Variants in GRM8 observed in about 807,000 individuals in gnomAD.
GRM8 encodes glutamate metabotropic receptor 8, also known as metabotropic glutamate receptor 8.
GRM8 carries 47 observed loss-of-function variants against 87.2 expected under a neutral mutation model. The observed-to-expected ratio is 0.54, with a 90% CI of 0.43 to 0.69. The LOEUF is 0.69. GRM8 is among the 30% of genes least tolerant of loss of function. The probability of loss-of-function intolerance (pLI) is 0.00; values close to 1 mark genes in which losing one functional copy is unlikely to be tolerated. For synonymous variants in GRM8, 396 were observed against 404.5 expected (o/e 0.98, Z 0.25); for missense variants, 1,019 against 1,139.2 (o/e 0.89, Z 1.52).
intron 6 of GRM8, among the ~76,000 whole-genome samples, chr7:126,880,288 GA>G (rs1799906473): frequency 6.6e-6 from 1 of 152,206 alleles, no homozygotes. Flanking sequence ...CTTCAGCAAT[GA>G]TTTCGCTTTT....
chr7:126,677,453 AGAGCCCATCAACT>A (rs1807093804), intron 7 of GRM8, among the ~76,000 whole-genome samples: 1 of 152,160 alleles, frequency 6.6e-6, no homozygotes, highest in Admixed American at 6.5e-5. Flanking sequence ...ACTCAACCTA[AGAGCCCATCAACT>A]GATGAGTGTA....
At chr7:126,971,671 T>C (rs1431498870) in intron 3 of GRM8, among the ~76,000 whole-genome samples, 2 of 152,146 alleles carry the variant, frequency 1.3e-5, no homozygotes, top group Admixed American at 6.5e-5. Flanking sequence ...AGAACTAATA[T>C]CCATTTATAA....
At chr7:127,076,760 G>C (rs1163671707) in intron 3 of GRM8, among the ~76,000 whole-genome samples, 1 of 152,128 alleles carries the variant, frequency 6.6e-6, no homozygotes, top group African/African-American at 2.4e-5. Context: ...GCATTCATTG[G>C]GCTGGTCTGG....
At chr7:126,747,608 T>C (rs1815845504) in intron 7 of GRM8, among the ~76,000 whole-genome samples, 1 of 152,070 alleles carries the variant, frequency 6.6e-6, no homozygotes, top group African/African-American at 2.4e-5. Context: ...ATTCTGATGC[T>C]AACATATTAA....
intron 6 of GRM8, chr7:126,869,828 G>A (rs933936887): frequency 1.3e-5 from 2 of 149,402 alleles, no homozygotes; most frequent in Non-Finnish European, 3.0e-5. Context: ...AATGGTCAAT[G>A]AGCATACGCT....
intron 3 of GRM8, among the ~76,000 whole-genome samples, chr7:126,993,418 G>A (rs1433067177): frequency 6.6e-6 from 1 of 152,042 alleles, no homozygotes; most frequent in African/African-American, 2.4e-5. Flanking sequence ...GCTGAGGGTG[G>A]AGCAAGATGG....
chr7:126,533,874 T>C lies in GRM8; in HGVS notation c.1508A>G (p.Gln503Arg). 1 of 1,611,738 alleles carries C rather than the reference T, an allele frequency of 6.2e-7. No homozygotes were observed. Among genetic ancestry groups the C allele is most frequent in the Non-Finnish European group, 8.5e-7 (1 of 1,178,330 alleles). ...NQLHLKVEDM[Q>R]WAHREHTHPA... ...GTGAGTATGTTCTCTATGAGCCCAC[T>C]GCATGTCTTCCACCTGTGGGTATAA... The change falls in exon 9 of 11, where the codon CAG (glutamine) becomes CGG (arginine). Residue 503 changes from glutamine to arginine, a missense_variant. Coordinates refer to ENST00000339582, the MANE Select transcript of GRM8 (RefSeq NM_000845.3).
chr7:126,456,306 CT>C (rs1401700515), intron 9 of GRM8, among the ~76,000 whole-genome samples: 15 of 151,326 alleles, frequency 9.9e-5, no homozygotes, highest in Non-Finnish European at 2.1e-4. Flanking sequence ...AGGTAACGTA[CT>C]GATTCTACAT....
chr7:126,873,181 G>A (rs140953238), intron 6 of GRM8, among the ~76,000 whole-genome samples: 2 of 152,146 alleles, frequency 1.3e-5, no homozygotes, highest in Non-Finnish European at 2.9e-5. Flanking sequence ...CTTAACTTGT[G>A]TCTGCACAGT....
intron 3 of GRM8, among the ~76,000 whole-genome samples, chr7:127,001,666 G>A (rs902474542): frequency 4.0e-5 from 6 of 151,440 alleles, no homozygotes; most frequent in Admixed American, 1.3e-4. Context: ...TTCTTATAAC[G>A]TTGAACACAT....
chr7:126,864,205 T>C (rs892120281), intron 6 of GRM8, among the ~76,000 whole-genome samples: 3 of 152,126 alleles, frequency 2.0e-5, no homozygotes, highest in Non-Finnish European at 4.4e-5. Context: ...TCCCATTTCA[T>C]TCCTATCCAT....
intron 9 of GRM8, among the ~76,000 whole-genome samples, chr7:126,530,955 C>T (rs1180511451): frequency 6.6e-6 from 1 of 152,118 alleles, no homozygotes; most frequent in Non-Finnish European, 1.5e-5. Context: ...ACTATAGGTG[C>T]ACGACACCAT....
At chr7:126,829,201 G>C (rs1368126664) in intron 6 of GRM8, among the ~76,000 whole-genome samples, 1 of 148,272 alleles carries the variant, frequency 6.7e-6, no homozygotes, top group Non-Finnish European at 1.5e-5. Context: ...GGAGAGTTCT[G>C]TAGATGTCTA....
chr7:127,110,231 G>A (rs1002762738), intron 2 of GRM8, among the ~76,000 whole-genome samples: 3 of 152,120 alleles, frequency 2.0e-5, no homozygotes, highest in Middle Eastern at 3.4e-3. Flanking sequence ...TTTGTGAACT[G>A]CCCTTTCATT....
Position 126,991,630 on chromosome 7 carries a change from T to C in GRM8, c.728-86947A>G, listed in dbSNP as rs1159867187. ...GATTGTTAAAATAAACCAAAACATA[T>C]GCAAATACTGGGAAAAAAGGATGCA... On this transcript the variant is annotated intron_variant, in intron 3 of 10. Coordinates refer to ENST00000339582, the MANE Select transcript of GRM8 (RefSeq NM_000845.3). Among the ~76,000 whole-genome samples the C allele has an allele frequency of 3.9e-5, 6 of 152,088 alleles. No homozygotes were observed. In the South Asian group the frequency reaches 1.2e-3, roughly 32 times the overall value.
chr7:126,779,257 T>C (rs763456537), intron 6 of GRM8, among the ~76,000 whole-genome samples: 40 of 152,226 alleles, frequency 2.6e-4, no homozygotes, highest in Non-Finnish European at 4.6e-4. Context: ...TCTCCCAGTG[T>C]TATTTATTAC....
At chr7:126,649,196 G>T (rs928277088) in intron 7 of GRM8, among the ~76,000 whole-genome samples, 3 of 152,174 alleles carry the variant, frequency 2.0e-5, no homozygotes, top group East Asian at 1.9e-4. Flanking sequence ...AGGATGCAAG[G>T]TATTGACTCT....
At chr7:127,030,262 G>T (rs969382598) in intron 3 of GRM8, among the ~76,000 whole-genome samples, 4 of 151,896 alleles carry the variant, frequency 2.6e-5, no homozygotes, top group African/African-American at 9.7e-5. Flanking sequence ...TGGGAGGAAA[G>T]GGGATAGCTC....
chr7:126,704,546 A>G (rs1810284290), intron 7 of GRM8, among the ~76,000 whole-genome samples: 1 of 152,164 alleles, frequency 6.6e-6, no homozygotes, highest in African/African-American at 2.4e-5. Flanking sequence ...ACAGAGCCCT[A>G]TTTCTCTTCT....
Sources: allele counts gnomAD v4.1 joint callset (sites outside exome capture counted in the v4.1 genomes callset), GRCh38; gene constraint gnomAD v4.1.1; transcripts MANE v1.5; gene names NCBI Gene and HGNC (gene_info 2026-07-23, HGNC 2026-07-21).